Variants in CHST9 observed in about 807,000 individuals in gnomAD.
The protein encoded by CHST9 is carbohydrate sulfotransferase 9.
Under a neutral mutation model 44.4 loss-of-function variants are expected in CHST9, and 41 were observed. The observed-to-expected ratio is 0.92, with a 90% CI of 0.72 to 1.20. The LOEUF is 1.20. CHST9 is among the 50% of genes most tolerant of loss of function. The pLI is 0.00. For missense variants in CHST9, 504 were observed against 516.5 expected, an observed-to-expected ratio of 0.98 and a Z score of 0.23; for synonymous variants, 171 against 178.4, an observed-to-expected ratio of 0.96 and a Z score of 0.33.
chr18:27,099,312 T>A (rs1396831078), intron 2 of CHST9, among the ~76,000 whole-genome samples: 6 of 152,042 alleles, frequency 3.9e-5, no homozygotes, highest in Non-Finnish European at 7.4e-5. Context: ...CAAAAGTAGT[T>A]GCAACAACAA....
rs1376852813 is a variant in CHST9 at position 27,048,510 on chromosome 18, T to C, written c.122-7A>G. 4 of 1,602,140 alleles carry C rather than the reference T, an allele frequency of 2.5e-6. No homozygotes were observed. In the African/African-American group the frequency reaches 5.4e-5, roughly 22 times the overall value. On this transcript the variant is annotated splice_region_variant and splice_polypyrimidine_tract_variant and intron_variant, in intron 2 of 5. Transcript: ENST00000618847. ...CTTCTCTTCTCCACTCTCCCTGAAA[T>C]GAGAAGTGGAAGATAAGTTACAGCA...
intron 4 of CHST9, among the ~76,000 whole-genome samples, chr18:26,968,697 A>G (rs769668286): frequency 6.6e-6 from 1 of 152,174 alleles, no homozygotes; most frequent in Non-Finnish European, 1.5e-5. Flanking sequence ...GCTTTTCTCA[A>G]TCCACAGCTG....
intron 4 of CHST9, among the ~76,000 whole-genome samples, chr18:27,015,908 T>C (rs1994301): frequency 0.5 from 76,477 of 151,982 alleles, 20,205 homozygotes; most frequent in East Asian, 0.73. Flanking sequence ...TGCTTCAGCC[T>C]AATCTTGTGA....
chr18:27,165,543 T>C (rs926538617), intron 1 of CHST9, among the ~76,000 whole-genome samples: 16 of 152,130 alleles, frequency 1.1e-4, no homozygotes, highest in African/African-American at 3.9e-4. Flanking sequence ...AGTTCCAATA[T>C]AGATATTGTT....
intron 3 of CHST9, among the ~76,000 whole-genome samples, chr18:27,032,940 C>T (rs563344165): frequency 6.6e-6 from 1 of 152,300 alleles, no homozygotes; most frequent in East Asian, 1.9e-4. Context: ...TGCAACATAC[C>T]AGAGGCATAT....
At chr18:27,065,136 C>T (rs1298304880) in intron 2 of CHST9, among the ~76,000 whole-genome samples, 1 of 152,160 alleles carries the variant, frequency 6.6e-6, no homozygotes, top group Non-Finnish European at 1.5e-5. Context: ...AAAATACATA[C>T]ATATTAAGGA....
intron 2 of CHST9, among the ~76,000 whole-genome samples, chr18:27,082,880 C>T (rs1333110371): frequency 6.6e-6 from 1 of 152,120 alleles, no homozygotes; most frequent in Non-Finnish European, 1.5e-5. Flanking sequence ...AGGTTTAAAT[C>T]CCTATAGCAA....
chr18:27,005,845 C>A (rs769593880), intron 4 of CHST9, among the ~76,000 whole-genome samples: 1 of 152,088 alleles, frequency 6.6e-6, no homozygotes, highest in Non-Finnish European at 1.5e-5. Context: ...CCCTTGCAGT[C>A]CCTGAGCCAC....
intron 1 of CHST9, among the ~76,000 whole-genome samples, chr18:27,144,160 G>T (rs903864612): frequency 1.3e-5 from 2 of 152,060 alleles, no homozygotes; most frequent in Admixed American, 1.3e-4. Context: ...CAACCCCTCT[G>T]GGTGAGCCGA....
At chr18:27,179,236 A>G (rs376867933) in intron 1 of CHST9, among the ~76,000 whole-genome samples, 2 of 151,970 alleles carry the variant, frequency 1.3e-5, no homozygotes, top group East Asian at 3.9e-4. Flanking sequence ...CAAAAAAGAT[A>G]GATTCCTAAG....
At chr18:27,047,542 G>C (rs2057518115) in intron 3 of CHST9, among the ~76,000 whole-genome samples, 1 of 152,080 alleles carries the variant, frequency 6.6e-6, no homozygotes, top group Non-Finnish European at 1.5e-5. Context: ...AAGGACAAAA[G>C]AGACAGAAGC....
rs1386793841 is a variant in CHST9, at chr18:26,912,372, AATACACACACACACAC to A, written c.*3871_*3886del. ...TTGAAATGTGATAACTAACTAGCTAAATACACACACACACACACACACACACACACACACACACACA... is the reference window on the plus strand; with the variant it reads ...TTGAAATGTGATAACTAACTAGCTAAACACACACACACACACACACACACA... On this transcript the variant is annotated 3_prime_UTR_variant, in exon 6 of 6. Transcript: ENST00000618847. 1.4e-5 allele frequency: 2 copies of A among 146,204 alleles called. No homozygotes were observed. The highest frequency in any genetic ancestry group is 2.0e-4 in the East Asian group (1 of 4,914). The allele number at this position is 146,204 out of a possible 1,614,324, so 9.1% of individuals were successfully genotyped here. A position where few individuals can be genotyped will look rare whatever the true frequency, so the allele number is the denominator to read the frequency against.
chr18:26,954,928 A>G (rs1300708181), intron 4 of CHST9, among the ~76,000 whole-genome samples: 1 of 152,118 alleles, frequency 6.6e-6, no homozygotes. Flanking sequence ...TTCCATAAAT[A>G]TATGTATTGA....
At chr18:26,952,435 G>C in intron 4 of CHST9, 1 of 428,112 alleles carries the variant, frequency 2.3e-6, no homozygotes. Context: ...GTTTTTACCG[G>C]AGGGAAATCT....
At chr18:27,179,098 C>CTA (rs1432534412) in intron 1 of CHST9, among the ~76,000 whole-genome samples, 15 of 125,034 alleles carry the variant, frequency 1.2e-4, no homozygotes, top group African/African-American at 3.9e-4. Flanking sequence ...CTCTCTCTCT[C>CTA]TCTCTCTATA....
Position 26,913,806 on chromosome 18 carries a change from G to A in CHST9, c.*2453C>T, listed in dbSNP as rs935556254. ...AAGGTGAATGTGAGCTGGTCTGCAA[G>A]GCCAAATAAGTCAGGAGAGAAAAAT... On this transcript the variant is annotated 3_prime_UTR_variant, in exon 6 of 6. Transcript: ENST00000618847. 2 of 152,192 alleles carry A rather than the reference G, an allele frequency of 1.3e-5. No homozygotes were observed. Among genetic ancestry groups the A allele is most frequent in the African/African-American group, 4.8e-5 (2 of 41,438 alleles). 9.4% of individuals were successfully genotyped at this position (152,192 alleles called of 1,614,324 possible).
intron 4 of CHST9, among the ~76,000 whole-genome samples, chr18:27,009,420 A>C (rs961154377): frequency 6.6e-6 from 1 of 152,188 alleles, no homozygotes; most frequent in Non-Finnish European, 1.5e-5. Context: ...AATGCTGGAT[A>C]ATTTGAATTC....
At chr18:27,101,394 A>C (rs2058169876) in intron 2 of CHST9, among the ~76,000 whole-genome samples, 1 of 152,012 alleles carries the variant, frequency 6.6e-6, no homozygotes, top group South Asian at 2.1e-4. Context: ...GATCAAGACC[A>C]TACTGGCTAA....
chr18:27,067,629 A>G (rs1285603441), intron 2 of CHST9, among the ~76,000 whole-genome samples: 1 of 151,962 alleles, frequency 6.6e-6, no homozygotes, highest in East Asian at 1.9e-4. Flanking sequence ...CTGCTCTCGT[A>G]TCTTCACTTT....
Sources: allele counts gnomAD v4.1 joint callset (sites outside exome capture counted in the v4.1 genomes callset), GRCh38; gene constraint gnomAD v4.1.1; transcripts MANE v1.5; gene names NCBI Gene and HGNC (gene_info 2026-07-23, HGNC 2026-07-21).